Variants in B4GALNT4 observed in about 807,000 individuals in gnomAD.
B4GALNT4 encodes beta-1,4-N-acetyl-galactosaminyltransferase 4.
A neutral mutation model predicts 110.0 loss-of-function variants in B4GALNT4; 77 were observed. That is an observed-to-expected ratio of 0.70 (90% confidence interval 0.58 to 0.85). The LOEUF (loss-of-function observed/expected upper bound fraction) is 0.85. Among genes scored for constraint, B4GALNT4 ranks in the 40% least tolerant of loss-of-function variants. The probability of loss-of-function intolerance (pLI) is 0.00; values close to 1 mark genes in which losing one functional copy is unlikely to be tolerated. For synonymous variants in B4GALNT4, 785 were observed against 655.5 expected (o/e 1.20, Z -3.02); for missense variants, 1,575 against 1,506.0 (o/e 1.05, Z -0.76).
intron 15 of B4GALNT4, 24 bp from the exon 16 acceptor site, chr11:379,841 GC>G (rs144602584): frequency 1.0e-4 from 160 of 1,561,354 alleles, no homozygotes; most frequent in South Asian, 1.2e-4. Flanking sequence ...TCGGCTCAGC[GC>G]CCCCCCCGCC....
intron 1 of B4GALNT4, among the ~76,000 whole-genome samples, chr11:370,158 A>T (rs1262180070): frequency 2.3e-5 from 3 of 132,742 alleles, no homozygotes. Flanking sequence ...ATTTGGGGGG[A>T]GGGGGCGCGG....
Position 376,546 on chromosome 11 carries a change from GCCCC to G in B4GALNT4, c.1424_1427del (p.Ala475GlyfsTer19). ...CCCCGCCCAGCCCGGAGCCACCCTC[GCCCC>G]GCCGACCCCTCCCCGCCCCCGGGAC... On this transcript the variant is annotated frameshift_variant, in exon 14 of 20. Transcript: ENST00000329962. LOFTEE classifies it high-confidence loss of function. 1 of 1,241,132 alleles carries G rather than the reference GCCCC, an allele frequency of 8.1e-7. No individual in the cohort carries two copies. The highest frequency in any genetic ancestry group is 1.0e-6 in the Non-Finnish European group (1 of 994,022). 76.9% of individuals were successfully genotyped at this position (1,241,132 alleles called of 1,614,324 possible).
At chr11:380,765 G>C (rs1478907965) in intron 18 of B4GALNT4, 60 bp from the exon 19 acceptor site, 1 of 1,586,560 alleles carries the variant, frequency 6.3e-7, no homozygotes, top group Non-Finnish European at 8.5e-7. Flanking sequence ...GCGGCGCTTT[G>C]CCGGGGGGAC....
chr11:376,211 GC>G, intron 12 of B4GALNT4, 37 bp downstream of exon 12: 1 of 1,009,214 alleles, frequency 9.9e-7, no homozygotes, highest in African/African-American at 1.6e-5. Context: ...GGCGGGGTGG[GC>G]GGGGCGGGAC....
rs776394321 is a variant in B4GALNT4 at position 375,779 on chromosome 11, A to AG, written c.985+11dup. 6 of 1,600,108 alleles carry AG rather than the reference A, an allele frequency of 3.7e-6. No homozygotes were observed. The Admixed American group carries it at 5.0e-5, about 13-fold the overall frequency. On this transcript the variant is annotated splice_region_variant and intron_variant, in intron 10 of 19. Coordinates refer to ENST00000329962, the MANE Select transcript of B4GALNT4 (RefSeq NM_178537.5). ...CAGGGATACCTTTTTCCTCAGTGAG[A>AG]GGGGGCCCGCGCGGGGGCGAGGGCG...
At position 376,630 on chromosome 11, in the gene B4GALNT4, C is replaced by G; in HGVS notation, c.1507C>G (p.Pro503Ala). 1 of 1,419,800 alleles carries G rather than the reference C, an allele frequency of 7.0e-7. No homozygotes were observed. Among genetic ancestry groups the G allele is most frequent in the Non-Finnish European group, 9.2e-7 (1 of 1,088,504 alleles). The allele number at this position is 1,419,800 out of a possible 1,614,324, so 88.0% of individuals were successfully genotyped here. A position where few individuals can be genotyped will look rare whatever the true frequency, so the allele number is the denominator to read the frequency against. Residue 503 changes from proline to alanine, a missense_variant, in exon 14 of 20, where the codon CCT becomes GCT. Coordinates refer to ENST00000329962, the MANE Select transcript of B4GALNT4 (RefSeq NM_178537.5). ...GAGCTGGGCCGCCAGGGCCGCCCGC[C>G]CTTTGCCGCTCTTCTTGGGCCGAGC... ...ALSWAARAAR[P>A]LPLFLGRAPP...
At chr11:371,184 C>T (rs1323006954) in intron 1 of B4GALNT4, among the ~76,000 whole-genome samples, 2 of 152,190 alleles carry the variant, frequency 1.3e-5, no homozygotes, top group African/African-American at 2.4e-5. Flanking sequence ...CCCCAGGGCA[C>T]CTGTACACTT....
At chr11:370,959 A>G (rs1225337658) in intron 1 of B4GALNT4, among the ~76,000 whole-genome samples, 1 of 151,694 alleles carries the variant, frequency 6.6e-6, no homozygotes, top group Non-Finnish European at 1.5e-5. Flanking sequence ...CCCTCAAGAG[A>G]CCCCCGATAC....
rs1246072318 is a variant in B4GALNT4, at chr11:376,865, GC to G, written c.1747del (p.Gln583ArgfsTer43). On this transcript the variant is annotated frameshift_variant, in exon 14 of 20. Coordinates refer to ENST00000329962, the MANE Select transcript of B4GALNT4 (RefSeq NM_178537.5). LOFTEE classifies it high-confidence loss of function. Reference sequence around the variant, plus strand: ...CGGCCCCACGGCCGCAGGACCGGCGGCCCCCAGGCCACACAGCCGAGGCCCC... The same window carrying G: ...CGGCCCCACGGCCGCAGGACCGGCGGCCCCAGGCCACACAGCCGAGGCCCC... ...PPRPHGRRTG[G>X]PQATQPRPPA... The G allele has an allele frequency of 9.8e-6, 13 of 1,322,284 alleles. No individual in the cohort carries two copies. Among genetic ancestry groups the G allele is most frequent in the South Asian group, 6.1e-5 (3 of 49,170 alleles). 81.9% of individuals were successfully genotyped at this position (1,322,284 alleles called of 1,614,324 possible).
chr11:375,680 C>T lies in B4GALNT4; in HGVS notation c.892C>T (p.Gln298Ter). 6.3e-7 allele frequency: 1 copy of T among 1,593,990 alleles called. No homozygotes were observed. The highest frequency in any genetic ancestry group is 1.3e-5 in the African/African-American group (1 of 74,884). ...LKMDHVAHVP[Q>*]SPASHVGGRP... is the part of the protein sequence containing the mutation. ...GATGGACCACGTGGCGCACGTCCCCCAGTCTCCAGCCAGCCACGTGGGGGG... is the reference window on the plus strand; with the variant it reads ...GATGGACCACGTGGCGCACGTCCCCTAGTCTCCAGCCAGCCACGTGGGGGG... Residue 298 changes from glutamine (Q) to a stop codon, truncating the protein, a stop_gained, in exon 10 of 20, where the codon CAG (glutamine) becomes TAG (stop). Transcript: ENST00000329962. LOFTEE classifies it high-confidence loss of function.
chr11:373,419 C>CTCCGCCA, intron 6 of B4GALNT4, 30 bp from the exon 7 acceptor site: 1 of 1,080,028 alleles, frequency 9.3e-7, no homozygotes, highest in Non-Finnish European at 1.3e-6. Context: ...CCCCCCCCCC[C>CTCCGCCA]ACCACCACCC....
intron 9 of B4GALNT4, 39 bp from the exon 10 acceptor site, chr11:375,600 A>AG (rs748027781): frequency 1.9e-6 from 3 of 1,599,250 alleles, no homozygotes; most frequent in Non-Finnish European, 2.5e-6. Flanking sequence ...AGAGTGGAGG[A>AG]GGGGGTCTGA....
chr11:375,969 G>GT lies in B4GALNT4; in HGVS notation c.1095+13_1095+14insT. Reference sequence around the variant, plus strand: ...GGGCCTGCAATTTGTGAGTGCGGCTGGAGACCCCGTCTCCCGTCCGGGACT... The same window carrying GT: ...GGGCCTGCAATTTGTGAGTGCGGCTGTGAGACCCCGTCTCCCGTCCGGGACT... On this transcript the variant is annotated intron_variant, in intron 11 of 19. Coordinates refer to ENST00000329962, the MANE Select transcript of B4GALNT4 (RefSeq NM_178537.5). 6.2e-7 allele frequency: 1 copy of GT among 1,610,068 alleles called. No homozygotes were observed. Among genetic ancestry groups the GT allele is most frequent in the Non-Finnish European group, 8.5e-7 (1 of 1,178,642 alleles).
In B4GALNT4 at chr11:369,972, CGGGGGGCGCGGGGGGCGGGGGCGGCGCG is replaced by C; in HGVS notation, c.151+24_151+51del. On this transcript the variant is annotated intron_variant, in intron 1 of 19. Coordinates refer to ENST00000329962, the MANE Select transcript of B4GALNT4 (RefSeq NM_178537.5). Reference sequence around the variant, plus strand: ...CGGGCGAGGTACGGCGCGGGGGGCGCGGGGGGCGCGGGGGGCGGGGGCGGCGCGGGGGGCGCGGGGGGCGCGGGCGGCG... The same window carrying C: ...CGGGCGAGGTACGGCGCGGGGGGCGCGGGGGCGCGGGGGGCGCGGGCGGCG... 7.1e-6 allele frequency: 1 copy of C among 141,032 alleles called. No homozygotes were observed. 8.7% of individuals were successfully genotyped at this position (141,032 alleles called of 1,614,324 possible). A position where few individuals can be genotyped will look rare whatever the true frequency, so the allele number is the denominator to read the frequency against.
At chr11:380,693 A>C (rs772540326) in intron 18 of B4GALNT4, 132 bp from the exon 19 acceptor site, 1 of 1,451,288 alleles carries the variant, frequency 6.9e-7, no homozygotes, top group South Asian at 1.2e-5. Flanking sequence ...GTACCACCGG[A>C]CGACTCCCGG....
intron 8 of B4GALNT4, 144 bp from the exon 9 acceptor site, chr11:375,316 GC>G: frequency 2.4e-6 from 2 of 835,638 alleles, no homozygotes; most frequent in Non-Finnish European, 4.0e-6. Flanking sequence ...TTCTTGGAAC[GC>G]CCCGGACCCC....
chr11:379,004 T>G (rs959682606), intron 14 of B4GALNT4, among the ~76,000 whole-genome samples: 1 of 152,056 alleles, frequency 6.6e-6, no homozygotes, highest in Admixed American at 6.6e-5. Context: ...AGGGGAAGGT[T>G]GAAAGCCACA....
At chr11:373,403 A>ACTGGGGGGGGG in intron 6 of B4GALNT4, 46 bp from the exon 7 acceptor site, 1 of 1,259,486 alleles carries the variant, frequency 7.9e-7, no homozygotes. Flanking sequence ...CCAGGGAGAG[A>ACTGGGGGGGGG]GTGAACCCCC....
chr11:373,225 C>T lies in B4GALNT4; in HGVS notation c.570C>T (p.Asn190=). 6.2e-7 allele frequency: 1 copy of T among 1,612,284 alleles called. No individual in the cohort carries two copies. The highest frequency in any genetic ancestry group is 8.5e-7 in the Non-Finnish European group (1 of 1,179,604). ...AGTTTTCTGTGGCCTCAGACGACAA[C>T]TCGGAGTTCTGGCTGAGTCTGGACG... ...DVQFSVASDD[N]SEFWLSLDES... Residue 190 remains asparagine, a synonymous_variant, in exon 6 of 20, where the codon AAC becomes AAT. Coordinates refer to ENST00000329962, the MANE Select transcript of B4GALNT4 (RefSeq NM_178537.5).
Sources: gnomAD v4.1 joint callset for allele counts (sites outside exome capture counted in the v4.1 genomes callset) on GRCh38, gnomAD v4.1.1 for gene constraint, MANE v1.5 for transcripts, NCBI Gene and HGNC (gene_info 2026-07-23, HGNC 2026-07-21) for gene names.